The following SYNPO2 variants were observed in gnomAD, a reference collection of about 807,000 sequenced individuals.
The protein encoded by SYNPO2 is synaptopodin 2.
SYNPO2 carries 56 observed loss-of-function variants against 85.0 expected under a neutral mutation model. The observed-to-expected ratio is 0.66, with a 90% confidence interval of 0.53 to 0.82. SYNPO2 has a LOEUF of 0.82. Ranked by LOEUF, SYNPO2 falls within the 40% of genes least tolerant of loss-of-function variation. The pLI, the probability that SYNPO2 is intolerant of heterozygous loss-of-function variation, is 0.00. For synonymous variants in SYNPO2, 602 were observed against 591.1 expected (o/e 1.02, Z -0.27); for missense variants, 1,575 against 1,534.2 (o/e 1.03, Z -0.44).
intron 1 of SYNPO2, among the ~76,000 whole-genome samples, chr4:118,991,645 A>G (rs752819530): frequency 3.9e-5 from 6 of 152,192 alleles, no homozygotes; most frequent in Non-Finnish European, 5.9e-5. Context: ...TATGTTGCCT[A>G]TTGAAGCTCC....
intron 1 of SYNPO2, among the ~76,000 whole-genome samples, chr4:119,011,212 T>A (rs1478923701): frequency 1.3e-5 from 2 of 152,134 alleles, no homozygotes; most frequent in Non-Finnish European, 2.9e-5. Flanking sequence ...ACCAGCAGAG[T>A]GCACAGGAGG....
intron 1 of SYNPO2, among the ~76,000 whole-genome samples, chr4:118,925,164 A>T (rs1044273970): frequency 9.2e-5 from 14 of 152,148 alleles, no homozygotes; most frequent in African/African-American, 3.4e-4. Context: ...TAAGAATGTG[A>T]TCATTTCAGT....
At position 118,853,381 on chromosome 4, in the gene SYNPO2, T is replaced by TC. The variant is rs1045605253; in HGVS notation, c.12+2448dup. ...CATATACCATCAAATTTAGGATATT[T>TC]CCCCCCCTCCTGATTTAAATAAGTA... On this transcript the variant is annotated intron_variant, in intron 1 of 4. Coordinates refer to the SYNPO2 transcript ENST00000610556. Among the ~76,000 whole-genome samples, 7 of 152,014 alleles carry TC rather than the reference T, an allele frequency of 4.6e-5. No homozygotes were observed. In the East Asian group the frequency reaches 9.7e-4, roughly 21 times the overall value.
chr4:118,936,642 C>T (rs1734113936), intron 1 of SYNPO2, among the ~76,000 whole-genome samples: 1 of 152,098 alleles, frequency 6.6e-6, no homozygotes, highest in South Asian at 2.1e-4. Flanking sequence ...ACAGATGGTC[C>T]CACAGCTGTT....
At position 119,060,703 on chromosome 4, in the gene SYNPO2, T is replaced by C. The variant is rs1391136988; in HGVS notation, c.*2769T>C. ...CACATAGGTAGAAAGAGTTTGAGTTTTACTGTGGATTAAAAAGCCTTCCCT... is the reference window on the plus strand; with the variant it reads ...CACATAGGTAGAAAGAGTTTGAGTTCTACTGTGGATTAAAAAGCCTTCCCT... On this transcript the variant is annotated 3_prime_UTR_variant, in exon 5 of 5. Transcript: ENST00000307142. The C allele has an allele frequency of 1.3e-5, 2 of 152,204 alleles. No individual in the cohort carries two copies. 9.4% of individuals were successfully genotyped at this position (152,204 alleles called of 1,614,324 possible).
chr4:118,947,255 A>G (rs17050240), intron 1 of SYNPO2, among the ~76,000 whole-genome samples: 26,135 of 152,194 alleles, frequency 0.17, 2,757 homozygotes, highest in East Asian at 0.24. Context: ...GGCACAATGC[A>G]TATTCGAACA....
At chr4:119,049,702 C>G (rs369523457) in intron 4 of SYNPO2, among the ~76,000 whole-genome samples, 11 of 152,320 alleles carry the variant, frequency 7.2e-5, no homozygotes, top group African/African-American at 1.9e-4. Context: ...AACAAGGAAG[C>G]TAACTAAGCT....
At chr4:118,870,936 A>G (rs1464242076) in intron 1 of SYNPO2, among the ~76,000 whole-genome samples, 1 of 152,208 alleles carries the variant, frequency 6.6e-6, no homozygotes, top group Admixed American at 6.5e-5. Flanking sequence ...AATCTTATTT[A>G]TCACTCACAG....
intron 1 of SYNPO2, among the ~76,000 whole-genome samples, chr4:118,894,629 A>T (rs927046019): frequency 4.6e-5 from 7 of 152,194 alleles, no homozygotes; most frequent in Admixed American, 3.3e-4. Context: ...GAGAAAAGGG[A>T]GGAAGAAGAG....
intron 4 of SYNPO2, among the ~76,000 whole-genome samples, chr4:119,045,736 A>C (rs1198325974): frequency 6.6e-6 from 1 of 152,224 alleles, no homozygotes; most frequent in Non-Finnish European, 1.5e-5. Context: ...TTATGAAAAT[A>C]AACTTAAATA....
chr4:119,033,627 A>G, intron 4 of SYNPO2: 1 of 985,436 alleles, frequency 1.0e-6, no homozygotes, highest in African/African-American at 1.7e-5. Context: ...GGTACACAGT[A>G]CCATTTTAAT....
At chr4:119,023,393 A>G (rs764322025) in intron 1 of SYNPO2, 37 bp from the exon 2 acceptor site, 6 of 1,563,902 alleles carry the variant, frequency 3.8e-6, no homozygotes, top group South Asian at 3.6e-5. Flanking sequence ...TACAAATTAT[A>G]TCATTCTACT....
At chr4:118,882,775 T>C (rs955099780) in intron 1 of SYNPO2, among the ~76,000 whole-genome samples, 1 of 60,126 alleles carries the variant, frequency 1.7e-5, no homozygotes, top group South Asian at 8.7e-4. Flanking sequence ...TGCCTGCTAG[T>C]TTTTTTTTTT....
rs368999641 is a variant in SYNPO2 at position 119,026,635 on chromosome 4, G to A, written c.266G>A (p.Ser89Asn). ...SLQMLIKRPS[S>N]GISEALISEN... ...GATTTTTCTGTGTGCAGACCATCCAGTGGAATAAGTGAGGCTTTGATATCT... is the reference window on the plus strand; with the variant it reads ...GATTTTTCTGTGTGCAGACCATCCAATGGAATAAGTGAGGCTTTGATATCT... Residue 89 changes from serine (S) to asparagine (N), a missense_variant, in exon 3 of 5, where the codon AGT (serine) becomes AAT (asparagine). This residue lies in a region of SYNPO2 where 1,508 missense variants were observed against 1,446.8 expected (regional missense o/e 1.04). Transcript: ENST00000307142. 1.9e-6 allele frequency: 3 copies of A among 1,601,586 alleles called. No homozygotes were observed. In the African/African-American group the frequency reaches 4.0e-5, roughly 21 times the overall value.
chr4:119,041,843 C>G (rs1439451326), intron 4 of SYNPO2, among the ~76,000 whole-genome samples: 1 of 152,134 alleles, frequency 6.6e-6, no homozygotes, highest in Non-Finnish European at 1.5e-5. Flanking sequence ...GATAGCCCCA[C>G]CTTAGAGATT....
chr4:118,927,742 A>AGATAGATAGATAGATAGATG (rs1553938501), intron 1 of SYNPO2, among the ~76,000 whole-genome samples: 1 of 113,360 alleles, frequency 8.8e-6, no homozygotes, highest in African/African-American at 3.5e-5. Flanking sequence ...ATAGATAGAT[A>AGATAGATAGATAGATAGATG]GATAGATGAT....
At chr4:118,972,531 G>GTAT (rs1350798321) in intron 1 of SYNPO2, among the ~76,000 whole-genome samples, 1 of 152,118 alleles carries the variant, frequency 6.6e-6, no homozygotes, top group Admixed American at 6.5e-5. Context: ...CACTTTTTAT[G>GTAT]TATTTTTTTC....
intron 1 of SYNPO2, among the ~76,000 whole-genome samples, chr4:118,947,678 G>T (rs138997132): frequency 1.3e-5 from 2 of 152,276 alleles, no homozygotes; most frequent in East Asian, 3.9e-4. Flanking sequence ...TTGTTAAAAG[G>T]CTGTTTCGAA....
At position 119,026,738 on chromosome 4, in the gene SYNPO2, C is replaced by T. The variant is rs369836756; in HGVS notation, c.369C>T (p.Ala123=). 3 of 1,614,038 alleles carry T rather than the reference C, an allele frequency of 1.9e-6. No homozygotes were observed. In the African/African-American group the frequency reaches 4.0e-5, roughly 22 times the overall value. ...VESTTLQIRP[A]TKTQCTEFFL... ...GTACCACCCTGCAGATTCGACCGGC[C>T]ACAAAGACCCAGTGCACAGAATTCT... is the stretch of plus-strand genomic sequence containing the variant. The change falls in exon 3 of 5, where the codon GCC becomes GCT. Residue 123 remains alanine (A), a synonymous_variant. Coordinates refer to ENST00000307142, the MANE Select transcript of SYNPO2 (RefSeq NM_133477.3).
Sources: gnomAD v4.1 joint callset for allele counts (sites outside exome capture counted in the v4.1 genomes callset) on GRCh38, gnomAD v4.1.1 for gene constraint, gnomAD v4.1.1 regional missense constraint, MANE v1.5 for transcripts, NCBI Gene and HGNC (gene_info 2026-07-23, HGNC 2026-07-21) for gene names.